Variants in MCM7 observed in about 807,000 individuals in gnomAD.
MCM7 encodes DNA replication licensing factor MCM7.
MCM7 carries 95 observed loss-of-function variants against 83.5 expected under a neutral mutation model. The observed-to-expected ratio is 1.14, with a 90% confidence interval of 0.96 to 1.35. The LOEUF (loss-of-function observed/expected upper bound fraction) is 1.35. Ranked by LOEUF, MCM7 falls within the 40% of genes most tolerant of loss-of-function variation. MCM7 has a pLI of 0.00. For synonymous variants in MCM7, 461 were observed against 352.7 expected (o/e 1.31, Z -3.44); for missense variants, 1,087 against 957.4 (o/e 1.14, Z -1.79).
At chr7:100,100,318 G>A (rs1412387223) in intron 1 of MCM7, 5 of 1,247,036 alleles carry the variant, frequency 4.0e-6, no homozygotes, top group Non-Finnish European at 5.1e-6. Context: ...CATCTCCCCA[G>A]GGGAATTCCG....
intron 13 of MCM7, chr7:100,093,701 C>G (rs930285229): frequency 4.4e-6 from 3 of 680,482 alleles, no homozygotes; most frequent in Non-Finnish European, 8.5e-6. Flanking sequence ...CGCCACTGGG[C>G]TCCCCAGCAT....
Position 100,099,727 on chromosome 7 carries a change from C to A in MCM7, c.138G>T (p.Val46=). ...QLVRLAHREQ[V]ALYVDLDDVA... ...CGTCGTCCAGGTCCACATACAGAGC[C>A]ACCTGTTCCCGATGAGCCAGCCGAA... Residue 46 remains valine (V), a synonymous_variant, in exon 3 of 15, where the codon GTG becomes GTT. Transcript: ENST00000303887. 1.2e-6 allele frequency: 2 copies of A among 1,614,148 alleles called. No individual in the cohort carries two copies. Among genetic ancestry groups the A allele is most frequent in the Non-Finnish European group, 1.7e-6 (2 of 1,180,036 alleles).
chr7:100,099,557 C>T (rs763533082), intron 3 of MCM7, 32 bp downstream of exon 3: 2 of 1,610,146 alleles, frequency 1.2e-6, no homozygotes, highest in African/African-American at 2.7e-5. Context: ...AACGCCTCGC[C>T]CTTTGTTTGC....
At position 100,093,969 on chromosome 7, in the gene MCM7, T is replaced by G. The variant is rs765986913; in HGVS notation, c.1848+204A>C. ...GGTTAAGAAGTGGGGAAAAGGCCTTTCCCTCCACGGACGCTGTGCGTGCCC... is the reference window on the plus strand; with the variant it reads ...GGTTAAGAAGTGGGGAAAAGGCCTTGCCCTCCACGGACGCTGTGCGTGCCC... On this transcript the variant is annotated intron_variant, in intron 13 of 14. Coordinates refer to ENST00000303887, the MANE Select transcript of MCM7 (RefSeq NM_005916.5). The G allele has an allele frequency of 5.3e-6, 4 of 757,192 alleles. No homozygotes were observed. In the East Asian group the frequency reaches 1.0e-4, roughly 20 times the overall value. 46.9% of individuals were successfully genotyped at this position (757,192 alleles called of 1,614,324 possible).
intron 7 of MCM7, 82 bp downstream of exon 7, chr7:100,098,059 G>C: frequency 6.3e-7 from 1 of 1,584,074 alleles, no homozygotes; most frequent in South Asian, 1.1e-5. Context: ...TTGGGGTTTT[G>C]CTGCTCTTTT....
chr7:100,097,108 AC>A (rs1197507319), intron 10 of MCM7, among the ~76,000 whole-genome samples, 192 bp downstream of exon 10: 1 of 152,206 alleles, frequency 6.6e-6, no homozygotes, highest in African/African-American at 2.4e-5. Context: ...CTCAAAAAAA[AC>A]AAAAACAAAA....
rs1795388534 is a variant in MCM7, at chr7:100,092,922, C to T, written c.*10G>A. On this transcript the variant is annotated 3_prime_UTR_variant, in exon 15 of 15. Coordinates refer to ENST00000303887, the MANE Select transcript of MCM7 (RefSeq NM_005916.5). ...AACAAGAGGACCCCAGGGTTGCAAG[C>T]AGGCTGGAATCAGACAAAAGTGATC... 3 of 1,614,202 alleles carry T rather than the reference C, an allele frequency of 1.9e-6. No homozygotes were observed. Among genetic ancestry groups the T allele is most frequent in the South Asian group, 1.1e-5 (1 of 91,090 alleles).
In MCM7 at chr7:100,098,174, T is replaced by G. The variant is rs1201644175; in HGVS notation, c.837A>C (p.Pro279=). The G allele has an allele frequency of 1.9e-6, 3 of 1,614,032 alleles. No individual in the cohort carries two copies. Among genetic ancestry groups the G allele is most frequent in the Admixed American group, 3.3e-5 (2 of 60,000 alleles). Residue 279 remains proline (P), a synonymous_variant, in exon 7 of 15, where the codon CCA becomes CCC. Coordinates refer to ENST00000303887, the MANE Select transcript of MCM7 (RefSeq NM_005916.5). ...DHVSVTGIFL[P]ILRTGFRQVV... ...CCTGTCGGAACCCAGTGCGCAGGAT[T>G]GGCAAGAAAATACCAGTGACGCTGA...
rs1795431870 is a variant in MCM7, at chr7:100,093,442, G to A, written c.1849-41C>T. 5 of 1,580,868 alleles carry A rather than the reference G, an allele frequency of 3.2e-6. No individual in the cohort carries two copies. The East Asian group carries it at 1.1e-4, about 35-fold the overall frequency. ...GGGGGAAAGATGGGAACGGGAGGAG[G>A]GCAGTGGAACGAGGTCAGGGGACAC... On this transcript the variant is annotated intron_variant, in intron 13 of 14. Coordinates refer to ENST00000303887, the MANE Select transcript of MCM7 (RefSeq NM_005916.5).
intron 12 of MCM7, 21 bp from the exon 13 acceptor site, chr7:100,094,362 G>A (rs772025560): frequency 1.9e-6 from 3 of 1,613,398 alleles, no homozygotes; most frequent in Non-Finnish European, 2.5e-6. Flanking sequence ...AGGTTCATGG[G>A]GAAGCAGAAG....
Position 100,095,299 on chromosome 7 carries a change from AAC to A in MCM7, c.1679+86_1679+87del, listed in dbSNP as rs1795560699. 5 of 1,193,602 alleles carry A rather than the reference AAC, an allele frequency of 4.2e-6. 1 individual carries two copies. The highest frequency in any genetic ancestry group is 5.3e-4 in the Middle Eastern group (2 of 3,786). 73.9% of individuals were successfully genotyped at this position (1,193,602 alleles called of 1,614,324 possible). A position where few individuals can be genotyped will look rare whatever the true frequency, so the allele number is the denominator to read the frequency against. On this transcript the variant is annotated intron_variant, in intron 12 of 14. Coordinates refer to ENST00000303887, the MANE Select transcript of MCM7 (RefSeq NM_005916.5). Reference sequence around the variant, plus strand: ...TGTAGCGGGAAGTGGTGGTGTGAAAAACACACACCCTAAGACTAATAAGCACT... The same window carrying A: ...TGTAGCGGGAAGTGGTGGTGTGAAAAACACACCCTAAGACTAATAAGCACT...
chr7:100,095,596 C>A, intron 11 of MCM7, 126 bp from the exon 12 acceptor site: 1 of 1,296,946 alleles, frequency 7.7e-7, no homozygotes, highest in Non-Finnish European at 1.1e-6. Flanking sequence ...CCCGGGAAAT[C>A]CTCATCAGCA....
Position 100,097,290 on chromosome 7 carries a change from C to G in MCM7, c.1201+11G>C. ...CACTATATTCACCTCCCGCAAAGCC[C>G]AACTACTTACTGCGAGGCGCCAGTC... On this transcript the variant is annotated intron_variant, in intron 10 of 14. Coordinates refer to ENST00000303887, the MANE Select transcript of MCM7 (RefSeq NM_005916.5). 2 of 1,613,530 alleles carry G rather than the reference C, an allele frequency of 1.2e-6. No individual in the cohort carries two copies. Among genetic ancestry groups the G allele is most frequent in the South Asian group, 2.2e-5 (2 of 91,064 alleles).
intron 2 of MCM7, 87 bp from the exon 3 acceptor site, chr7:100,099,840 T>C: frequency 6.4e-7 from 1 of 1,556,784 alleles, no homozygotes; most frequent in Non-Finnish European, 8.8e-7. Context: ...CACTGAGAAC[T>C]CAGCACAGGC....
intron 10 of MCM7, among the ~76,000 whole-genome samples, chr7:100,096,535 G>A (rs1257871870): frequency 4.6e-5 from 7 of 152,222 alleles, no homozygotes; most frequent in Admixed American, 3.3e-4. Flanking sequence ...ACTTTCGGAG[G>A]CCGATAACAA....
chr7:100,098,675 C>T lies in MCM7; in HGVS notation c.623G>A (p.Ser208Asn). The T allele has an allele frequency of 6.2e-7, 1 of 1,614,086 alleles. No individual in the cohort carries two copies. The highest frequency in any genetic ancestry group is 8.5e-7 in the Non-Finnish European group (1 of 1,180,020). Reference sequence around the variant, plus strand: ...TGAGCGGTTGGTTTGGCACTCCTGGCTTGGGCACATGATCAGAGGCATGAA... The same window carrying T: ...TGAGCGGTTGGTTTGGCACTCCTGGTTTGGGCACATGATCAGAGGCATGAA... ...PTFMPLIMCP[S>N]QECQTNRSGG... The change falls in exon 6 of 15, where the codon AGC becomes AAC. Residue 208 changes from serine to asparagine, a missense_variant. Physicochemically the swap from Ser to Asn is conservative, Grantham distance 46. Transcript: ENST00000303887.
chr7:100,100,412 C>G, intron 1 of MCM7: 1 of 1,042,450 alleles, frequency 9.6e-7, no homozygotes, highest in Non-Finnish European at 1.2e-6. Flanking sequence ...TTTCTTTCCA[C>G]CCCTATGATC....
At position 100,101,354 on chromosome 7, in the gene MCM7, C is replaced by G. The variant is rs1796018474; in HGVS notation, c.-60G>C. ...CTCAGAGGTCTTGCTCCTGGGGAAGCTGAGAATCTCCGCGCGGTGGACTGT... is the reference window on the plus strand; with the variant it reads ...CTCAGAGGTCTTGCTCCTGGGGAAGGTGAGAATCTCCGCGCGGTGGACTGT... On this transcript the variant is annotated 5_prime_UTR_variant, in exon 1 of 15. Coordinates refer to ENST00000303887, the MANE Select transcript of MCM7 (RefSeq NM_005916.5). 1.2e-6 allele frequency: 2 copies of G among 1,607,894 alleles called. No homozygotes were observed. Among genetic ancestry groups the G allele is most frequent in the South Asian group, 1.1e-5 (1 of 90,970 alleles).
At chr7:100,100,679 T>TCCGGATCCCAGGCACGCCCCC (rs1795945912) in intron 1 of MCM7, 1 of 989,434 alleles carries the variant, frequency 1.0e-6, no homozygotes. Flanking sequence ...CGAGCGAAGC[T>TCCGGATCCCAGGCACGCCCCC]CCGGATCCCA....
Sources: allele counts gnomAD v4.1 joint callset (sites outside exome capture counted in the v4.1 genomes callset), GRCh38; gene constraint gnomAD v4.1.1; transcripts MANE v1.5; gene names NCBI Gene and HGNC (gene_info 2026-07-23, HGNC 2026-07-21).